TDRD3: variants seen among roughly 807,000 people sequenced by gnomAD.
The protein encoded by TDRD3 is tudor domain-containing protein 3.
In TDRD3, 45 loss-of-function variants were observed where a neutral mutation model predicts 86.7. The ratio of observed to expected loss-of-function variants is 0.52; its 90% confidence interval spans 0.41 to 0.67. The LOEUF (loss-of-function observed/expected upper bound fraction) is 0.67, where lower values mean the gene tolerates loss of function less well. Among genes scored for constraint, TDRD3 ranks in the 30% least tolerant of loss-of-function variants. The pLI is 0.00. For missense variants in TDRD3, 814 were observed against 889.0 expected, an observed-to-expected ratio of 0.92 and a Z score of 1.07; for synonymous variants, 298 against 301.7, an observed-to-expected ratio of 0.99 and a Z score of 0.13.
chr13:60,565,914 A>G (rs1430225860), intron 12 of TDRD3, among the ~76,000 whole-genome samples: 1 of 152,206 alleles, frequency 6.6e-6, no homozygotes, highest in African/African-American at 2.4e-5. Context: ...TAAATTACAG[A>G]TATAATATCT....
At chr13:60,441,490 GAAAA>G (rs1302721623) in intron 2 of TDRD3, among the ~76,000 whole-genome samples, 2 of 150,956 alleles carry the variant, frequency 1.3e-5, no homozygotes, top group East Asian at 3.9e-4. Flanking sequence ...CATATGATAG[GAAAA>G]AAAACCATTT....
At chr13:60,409,552 CAAAAG>C (rs998347983) in intron 1 of TDRD3, among the ~76,000 whole-genome samples, 2 of 152,146 alleles carry the variant, frequency 1.3e-5, no homozygotes, top group African/African-American at 2.4e-5. Flanking sequence ...GACCTGGAGT[CAAAAG>C]AGATGATTTT....
In TDRD3 at chr13:60,501,870, C is replaced by G. The variant is rs75946471; in HGVS notation, c.858+7295C>G. On this transcript the variant is annotated intron_variant, in intron 8 of 13. Transcript: ENST00000377881. ...AAACCCAATAAAGTTCTAGCAGACT[C>G]AGTGATAGTAAAATTTTTATGCTTC... Among the ~76,000 whole-genome samples, 1,120 of 152,290 alleles carry G rather than the reference C, an allele frequency of 7.4e-3. 16 individuals carry two copies. The highest frequency in any genetic ancestry group is 0.025 in the African/African-American group (1,059 of 41,542).
intron 10 of TDRD3, among the ~76,000 whole-genome samples, chr13:60,526,751 T>C (rs866333309): frequency 1.2e-4 from 18 of 152,260 alleles, no homozygotes; most frequent in African/African-American, 3.9e-4. Context: ...TTAGAAAATT[T>C]TCCATAATTT....
At chr13:60,417,871 A>AT (rs974177860) in intron 1 of TDRD3, among the ~76,000 whole-genome samples, 3 of 151,904 alleles carry the variant, frequency 2.0e-5, no homozygotes, top group South Asian at 2.1e-4. Context: ...TTCATGAGTC[A>AT]TTTTTTTCTT....
intron 7 of TDRD3, among the ~76,000 whole-genome samples, chr13:60,489,593 G>A (rs938364640): frequency 3.3e-5 from 5 of 152,020 alleles, no homozygotes; most frequent in Non-Finnish European, 7.4e-5. Context: ...GATAATAATG[G>A]TACCTACTTC....
intron 1 of TDRD3, among the ~76,000 whole-genome samples, chr13:60,418,274 C>T (rs762645638): frequency 7.9e-5 from 12 of 151,894 alleles, no homozygotes; most frequent in Non-Finnish European, 1.2e-4. Flanking sequence ...TTTTTTTCTC[C>T]ATTTAAGTTA....
chr13:60,499,585 T>A (rs1173784132), intron 8 of TDRD3, among the ~76,000 whole-genome samples: 2 of 152,248 alleles, frequency 1.3e-5, no homozygotes, highest in Non-Finnish European at 2.9e-5. Flanking sequence ...TGATGACATA[T>A]GCTGATTGGA....
chr13:60,448,219 G>C (rs1955453021), intron 3 of TDRD3, among the ~76,000 whole-genome samples: 1 of 152,102 alleles, frequency 6.6e-6, no homozygotes, highest in Non-Finnish European at 1.5e-5. Context: ...AAGAAAGATT[G>C]TAAGTCTGCA....
chr13:60,485,780 T>C lies in TDRD3; in HGVS notation c.568-19T>C, dbSNP rs760498268. On this transcript the variant is annotated intron_variant, in intron 6 of 13. Coordinates refer to ENST00000377881, the MANE Select transcript of TDRD3 (RefSeq NM_001146070.2). ...CTTTTGGAACTACTAAGTTGACTTA[T>C]TCTTACTTGTTTTACTAGAAGTGTG... is the stretch of plus-strand genomic sequence containing the variant. The C allele has an allele frequency of 6.5e-7, 1 of 1,550,054 alleles. No homozygotes were observed. The highest frequency in any genetic ancestry group is 2.4e-5 in the East Asian group (1 of 42,478).
At chr13:60,541,880 A>C (rs1171444505) in intron 12 of TDRD3, among the ~76,000 whole-genome samples, 1 of 151,810 alleles carries the variant, frequency 6.6e-6, no homozygotes, top group Non-Finnish European at 1.5e-5. Flanking sequence ...GGCATGGGCC[A>C]CCATGCCCAG....
intron 5 of TDRD3, among the ~76,000 whole-genome samples, chr13:60,472,235 A>G (rs1956089023): frequency 6.6e-6 from 1 of 152,140 alleles, no homozygotes; most frequent in Non-Finnish European, 1.5e-5. Flanking sequence ...CATGGTCTCT[A>G]ATGCTTTTTA....
chr13:60,475,692 AC>A (rs1309442061), intron 5 of TDRD3, among the ~76,000 whole-genome samples: 1 of 152,126 alleles, frequency 6.6e-6, no homozygotes, highest in Non-Finnish European at 1.5e-5. Context: ...TTTCTTGGCA[AC>A]CTTGCCAGCA....
chr13:60,403,454 A>T (rs924363427), intron 1 of TDRD3, among the ~76,000 whole-genome samples: 1 of 152,202 alleles, frequency 6.6e-6, no homozygotes, highest in Non-Finnish European at 1.5e-5. Flanking sequence ...AAGGTCTAGG[A>T]TATAGAAGTA....
intron 12 of TDRD3, among the ~76,000 whole-genome samples, chr13:60,555,557 T>A (rs1958163786): frequency 6.6e-6 from 1 of 152,186 alleles, no homozygotes; most frequent in African/African-American, 2.4e-5. Flanking sequence ...CTTGGTGACA[T>A]CATAGAGCAT....
intron 1 of TDRD3, among the ~76,000 whole-genome samples, chr13:60,402,563 A>T (rs901471814): frequency 6.6e-6 from 1 of 152,186 alleles, no homozygotes; most frequent in South Asian, 2.1e-4. Flanking sequence ...ACCATGCTTC[A>T]TGGCCTTTAA....
chr13:60,451,224 A>G (rs1239053109), intron 3 of TDRD3, among the ~76,000 whole-genome samples: 2 of 152,296 alleles, frequency 1.3e-5, no homozygotes, highest in East Asian at 3.9e-4. Flanking sequence ...CTTTGCAGCT[A>G]TGCTAGTCAG....
chr13:60,504,815 C>G (rs948976994), intron 8 of TDRD3, among the ~76,000 whole-genome samples: 1 of 152,130 alleles, frequency 6.6e-6, no homozygotes, highest in Non-Finnish European at 1.5e-5. Context: ...GGGGCGTTGC[C>G]TCACCTGGGA....
chr13:60,485,266 C>T (rs566206385), intron 6 of TDRD3, among the ~76,000 whole-genome samples: 3 of 150,488 alleles, frequency 2.0e-5, no homozygotes, highest in Admixed American at 6.6e-5. Context: ...GCAGTGATGC[C>T]TTTTTTTTTA....
Sources: allele counts gnomAD v4.1 joint callset (sites outside exome capture counted in the v4.1 genomes callset), GRCh38; gene constraint gnomAD v4.1.1; transcripts MANE v1.5; gene names NCBI Gene and HGNC (gene_info 2026-07-23, HGNC 2026-07-21).